ZNF827: variants seen among roughly 807,000 people sequenced by gnomAD.
ZNF827 encodes zinc finger protein 827.
ZNF827 carries 13 observed loss-of-function variants against 102.4 expected under a neutral mutation model. That is an observed-to-expected ratio of 0.13 (90% CI 0.08 to 0.20). ZNF827 has a LOEUF of 0.20. Among genes scored for constraint, ZNF827 ranks in the 10% least tolerant of loss-of-function variants. ZNF827 has a pLI of 1.00. For synonymous variants in ZNF827, 523 were observed against 536.2 expected, an observed-to-expected ratio of 0.98 and a Z score of 0.34; for missense variants, 1,103 against 1,344.4, an observed-to-expected ratio of 0.82 and a Z score of 2.81.
intron 8 of ZNF827, among the ~76,000 whole-genome samples, chr4:145,811,917 A>AAAAAACTTG (rs200803884): frequency 0.04 from 6,146 of 152,008 alleles, 185 homozygotes; most frequent in Admixed American, 0.076. Flanking sequence ...AACTAACTCC[A>AAAAAACTTG]AGCTTTTTTT....
chr4:145,849,688 C>G lies in ZNF827; in HGVS notation c.1982-127G>C. The G allele has an allele frequency of 4.3e-6, 6 of 1,390,052 alleles. No individual in the cohort carries two copies. The South Asian group carries it at 8.2e-5, about 19-fold the overall frequency. 86.1% of individuals were successfully genotyped at this position (1,390,052 alleles called of 1,614,324 possible). A position where few individuals can be genotyped will look rare whatever the true frequency, so the allele number is the denominator to read the frequency against. On this transcript the variant is annotated intron_variant, in intron 5 of 14. Transcript: ENST00000508784. ...GGAAGAGAAAAATGAGCGTGCACGG[C>G]ACACTGGACCATAGTTTGAAAACCA...
chr4:145,843,814 G>A (rs1333417295), intron 7 of ZNF827, among the ~76,000 whole-genome samples: 1 of 152,132 alleles, frequency 6.6e-6, no homozygotes, highest in Non-Finnish European at 1.5e-5. Context: ...GGGATTACTT[G>A]AAGCTAGTGA....
At chr4:145,786,865 G>A (rs1026647285) in intron 8 of ZNF827, among the ~76,000 whole-genome samples, 3 of 152,146 alleles carry the variant, frequency 2.0e-5, no homozygotes, top group South Asian at 2.1e-4. Context: ...AACATCTACC[G>A]TTTTAGAATT....
intron 1 of ZNF827, among the ~76,000 whole-genome samples, chr4:145,933,500 G>A (rs573936505): frequency 4.5e-4 from 68 of 152,200 alleles, no homozygotes; most frequent in South Asian, 2.5e-3. Flanking sequence ...AAGAAATCCC[G>A]TTGCTTTTCA....
At chr4:145,773,371 C>T (rs546049588) in intron 11 of ZNF827, among the ~76,000 whole-genome samples, 2 of 152,294 alleles carry the variant, frequency 1.3e-5, no homozygotes, top group African/African-American at 4.8e-5. Flanking sequence ...TTACTGTTGG[C>T]ACCACTGAGC....
intron 4 of ZNF827, among the ~76,000 whole-genome samples, chr4:145,875,972 T>C (rs1749116426): frequency 6.6e-6 from 1 of 152,240 alleles, no homozygotes; most frequent in African/African-American, 2.4e-5. Flanking sequence ...GCATTATATA[T>C]AAAACATCAA....
chr4:145,838,904 G>A (rs12650043), intron 7 of ZNF827, among the ~76,000 whole-genome samples: 39,923 of 151,972 alleles, frequency 0.26, 5,435 homozygotes, highest in Non-Finnish European at 0.28. Flanking sequence ...TTTTACTTTT[G>A]AAAAGACTCG....
chr4:145,806,893 C>T (rs949878460), intron 8 of ZNF827, among the ~76,000 whole-genome samples: 7 of 152,204 alleles, frequency 4.6e-5, no homozygotes, highest in South Asian at 2.1e-4. Context: ...GAGAAAATGG[C>T]GTGCAGTTCT....
chr4:145,771,152 T>C (rs747536412), intron 11 of ZNF827: 1 of 152,244 alleles, frequency 6.6e-6, no homozygotes, highest in Non-Finnish European at 1.5e-5. Context: ...ATACTCTATG[T>C]AGTAAATATA....
chr4:145,776,593 A>G (rs1737144739), intron 9 of ZNF827, among the ~76,000 whole-genome samples: 1 of 151,772 alleles, frequency 6.6e-6, no homozygotes, highest in South Asian at 2.1e-4. Flanking sequence ...TCTGTGAGTG[A>G]GCAAGTGTGC....
intron 9 of ZNF827, among the ~76,000 whole-genome samples, chr4:145,777,518 T>C (rs955863193): frequency 6.6e-6 from 1 of 152,228 alleles, no homozygotes; most frequent in Non-Finnish European, 1.5e-5. Flanking sequence ...GGGTCAATTT[T>C]AGTCATTCTG....
rs544022612 is a variant in ZNF827, at chr4:145,896,933, A to T, written c.1094-4518T>A. ...AGTGAATTTTAAGAAGCAACATATT[A>T]AACTCAAAAATTGGAAAAAAAAGAG... On this transcript the variant is annotated intron_variant, in intron 2 of 14. Coordinates refer to ENST00000508784, the MANE Select transcript of ZNF827 (RefSeq NM_001306215.2). Among the ~76,000 whole-genome samples the T allele has an allele frequency of 5.9e-5, 9 of 152,320 alleles. No individual in the cohort carries two copies. In the South Asian group the frequency reaches 1.9e-3, roughly 32 times the overall value.
chr4:145,906,332 C>T (rs1751868637), intron 1 of ZNF827, among the ~76,000 whole-genome samples: 1 of 152,206 alleles, frequency 6.6e-6, no homozygotes, highest in African/African-American at 2.4e-5. Flanking sequence ...TAGATAAGGA[C>T]AGTATTCACT....
intron 5 of ZNF827, among the ~76,000 whole-genome samples, chr4:145,866,074 G>A (rs577338457): frequency 6.6e-6 from 1 of 152,274 alleles, no homozygotes; most frequent in South Asian, 2.1e-4. Flanking sequence ...GAAGGGGGTG[G>A]TTCCTGGGTT....
intron 4 of ZNF827, among the ~76,000 whole-genome samples, chr4:145,884,458 A>G (rs1189889787): frequency 6.6e-6 from 1 of 152,202 alleles, no homozygotes; most frequent in Non-Finnish European, 1.5e-5. Context: ...GGTATTGTCA[A>G]TCTCCAAAGA....
rs1213287017 is a variant in ZNF827, at chr4:145,902,933, C to T, written c.326G>A (p.Cys109Tyr). Residue 109 changes from cysteine (C) to tyrosine (Y), a missense_variant, in exon 2 of 15, where the codon TGT becomes TAT. Physicochemically the swap from Cys to Tyr is radical, Grantham distance 194. This residue lies in a region of ZNF827 where 441 missense variants were observed against 458.6 expected (regional missense o/e 0.96). Transcript: ENST00000508784. This position sits in a 1 kb window ranked among gnomAD's most constrained non-coding sequence, Gnocchi z 4.3. ...CTTGTTGGAGCCTGGGTCATCGTCA[C>T]ACAAAGAAGACACTCCCGGGGAAAG... is the stretch of plus-strand genomic sequence containing the variant. Reference protein sequence around the residue: ...DHLSPGVSSLCDDDPGSNKPL... With the variant: ...DHLSPGVSSLYDDDPGSNKPL... The T allele has an allele frequency of 6.2e-7, 1 of 1,614,054 alleles. No homozygotes were observed. The highest frequency in any genetic ancestry group is 8.5e-7 in the Non-Finnish European group (1 of 1,180,040).
chr4:145,884,175 A>G (rs528420657), intron 4 of ZNF827, among the ~76,000 whole-genome samples: 1 of 152,168 alleles, frequency 6.6e-6, no homozygotes. Context: ...TCACTGTTAC[A>G]TTCCCCGCTC....
At chr4:145,774,343 G>GCC (rs1210673526) in intron 11 of ZNF827, among the ~76,000 whole-genome samples, 163 bp downstream of exon 11, 1 of 152,160 alleles carries the variant, frequency 6.6e-6, no homozygotes, top group Admixed American at 6.5e-5. Context: ...ACAGTATTAT[G>GCC]ACTACAGGGA....
At chr4:145,800,167 G>C (rs986919024) in intron 8 of ZNF827, among the ~76,000 whole-genome samples, 1 of 152,120 alleles carries the variant, frequency 6.6e-6, no homozygotes, top group African/African-American at 2.4e-5. Flanking sequence ...CATCATGTTT[G>C]ATGCTTATTT....
Sources: allele counts gnomAD v4.1 joint callset (sites outside exome capture counted in the v4.1 genomes callset), GRCh38; gene constraint gnomAD v4.1.1; regional missense constraint gnomAD v4.1.1; non-coding constraint Gnocchi (gnomAD v3.1); transcripts MANE v1.5; gene names NCBI Gene and HGNC (gene_info 2026-07-23, HGNC 2026-07-21).